Variants in PITPNM2 observed in about 807,000 individuals in gnomAD.
PITPNM2 encodes phosphatidylinositol transfer protein membrane associated 2, also known as membrane-associated phosphatidylinositol transfer protein 2.
A neutral mutation model predicts 132.2 loss-of-function variants in PITPNM2; 35 were observed. The observed-to-expected ratio is 0.26, with a 90% CI of 0.20 to 0.35. The LOEUF is 0.35. PITPNM2 is among the 10% of genes least tolerant of loss of function. The pLI is 1.00. For synonymous variants in PITPNM2, 738 were observed against 799.2 expected (o/e 0.92, Z 1.29); for missense variants, 1,332 against 1,912.0 (o/e 0.70, Z 5.66).
chr12:123,128,366 C>T (rs1435330369), intron 1 of PITPNM2, among the ~76,000 whole-genome samples: 2 of 132,638 alleles, frequency 1.5e-5, no homozygotes, highest in Non-Finnish European at 3.1e-5. Flanking sequence ...CACTTGAGCA[C>T]AGGAGGTGGA....
intron 2 of PITPNM2, among the ~76,000 whole-genome samples, chr12:123,074,493 TATAA>T (rs796616828): frequency 1.6e-4 from 24 of 151,572 alleles, no homozygotes; most frequent in African/African-American, 5.8e-4. Context: ...CACATGCACA[TATAA>T]ATACACACAT....
At chr12:123,020,146 A>T (rs995279750) in intron 3 of PITPNM2, among the ~76,000 whole-genome samples, 1 of 152,160 alleles carries the variant, frequency 6.6e-6, no homozygotes, top group Non-Finnish European at 1.5e-5. Context: ...GATGAGACAG[A>T]GTCTGGCTCT....
At chr12:122,988,491 A>G (rs1376754881) in intron 19 of PITPNM2, 141 bp from the exon 20 acceptor site, 1 of 801,256 alleles carries the variant, frequency 1.2e-6, no homozygotes, top group Admixed American at 2.1e-5. Context: ...CTGTCTGCCC[A>G]GTAGCCCTCA....
intron 1 of PITPNM2, among the ~76,000 whole-genome samples, chr12:123,120,147 T>A (rs1216332361): frequency 6.6e-6 from 1 of 152,144 alleles, no homozygotes; most frequent in South Asian, 2.1e-4. Context: ...AACCCGCAGA[T>A]TTAAGGTCAC....
intron 4 of PITPNM2, among the ~76,000 whole-genome samples, chr12:123,013,156 G>T (rs116495428): frequency 3.4e-4 from 52 of 152,340 alleles, no homozygotes; most frequent in African/African-American, 1.2e-3. Context: ...AGCTTAGAGG[G>T]GAAAGTACTA....
chr12:122,991,649 TC>T, intron 16 of PITPNM2: 1 of 1,165,096 alleles, frequency 8.6e-7, no homozygotes, highest in Non-Finnish European at 1.1e-6. Context: ...ACCACCCAGG[TC>T]CCACGAACTG....
At chr12:123,141,201 A>T (rs1229604958) in intron 1 of PITPNM2, among the ~76,000 whole-genome samples, 3 of 152,162 alleles carry the variant, frequency 2.0e-5, no homozygotes, top group Non-Finnish European at 2.9e-5. Flanking sequence ...CATCTGTGAG[A>T]CACAAAAAAT....
intron 2 of PITPNM2, chr12:123,088,993 G>A (rs1475811250): frequency 6.6e-6 from 1 of 152,162 alleles, no homozygotes; most frequent in Non-Finnish European, 1.5e-5. Context: ...AGTGAGCACT[G>A]CATAAATGTT....
chr12:123,051,287 T>C (rs1347812686), intron 2 of PITPNM2, among the ~76,000 whole-genome samples: 1 of 152,230 alleles, frequency 6.6e-6, no homozygotes, highest in Non-Finnish European at 1.5e-5. Context: ...AGCCCAGGAC[T>C]AGAGAGAAGT....
chr12:123,079,649 T>C (rs1032596905), intron 2 of PITPNM2, among the ~76,000 whole-genome samples: 4 of 152,184 alleles, frequency 2.6e-5, no homozygotes, highest in African/African-American at 9.7e-5. Context: ...GCCCGGCCTC[T>C]CTCTCACTGT....
chr12:123,032,370 C>T (rs1630820), intron 3 of PITPNM2, among the ~76,000 whole-genome samples: 2 of 152,096 alleles, frequency 1.3e-5, no homozygotes, highest in South Asian at 4.2e-4. Context: ...CCAGCTACTC[C>T]GGAGGCTGAG....
intron 2 of PITPNM2, chr12:123,088,238 T>A (rs558723482): frequency 2.0e-5 from 3 of 152,278 alleles, no homozygotes; most frequent in African/African-American, 4.8e-5. Context: ...CTTTCCCAGA[T>A]ATTACATGAC....
At position 123,077,198 on chromosome 12, in the gene PITPNM2, C is replaced by G. The variant is rs902034743; in HGVS notation, c.-96+33187G>C. On this transcript the variant is annotated intron_variant, in intron 2 of 25. Coordinates refer to ENST00000320201, the MANE Select transcript of PITPNM2 (RefSeq NM_020845.3). The surrounding 1 kb of genome is among the most constrained non-coding windows in gnomAD (Gnocchi z 4.8). ...TATCCAGACAGACACACTGGCAGGG[C>G]CGCTCTGCCTGAAGCCAGCCAGCAG... is the stretch of plus-strand genomic sequence containing the variant. Among the ~76,000 whole-genome samples the G allele has an allele frequency of 8.6e-4, 131 of 152,264 alleles. No homozygotes were observed. Among genetic ancestry groups the G allele is most frequent in the Non-Finnish European group, 1.6e-3 (112 of 68,018 alleles).
At chr12:123,048,032 G>A (rs1309250855) in intron 2 of PITPNM2, among the ~76,000 whole-genome samples, 1 of 151,514 alleles carries the variant, frequency 6.6e-6, no homozygotes, top group Admixed American at 6.6e-5. Context: ...CTGGGAGGTG[G>A]AGGTTGCAGT....
intron 2 of PITPNM2, among the ~76,000 whole-genome samples, chr12:123,061,734 C>T (rs570293273): frequency 1.3e-5 from 2 of 152,340 alleles, no homozygotes; most frequent in Admixed American, 6.5e-5. Context: ...AAAGCTCCTG[C>T]ATCCAAGGGA....
chr12:123,000,948 A>G lies in PITPNM2; in HGVS notation c.1154-100T>C, dbSNP rs2038638710. 3.2e-6 allele frequency: 5 copies of G among 1,540,308 alleles called. No homozygotes were observed. The East Asian group carries it at 1.1e-4, about 35-fold the overall frequency. On this transcript the variant is annotated intron_variant, in intron 9 of 25. Transcript: ENST00000320201. This position sits in a 1 kb window ranked among gnomAD's most constrained non-coding sequence, Gnocchi z 5.4. ...TGACGAGGGGAGCTTGGGGGTCCCC[A>G]ACTCACATGTATGCCCAGCACTGTG...
chr12:123,038,171 G>A (rs1002971672), intron 2 of PITPNM2, among the ~76,000 whole-genome samples: 2 of 152,240 alleles, frequency 1.3e-5, no homozygotes, highest in South Asian at 2.1e-4. Flanking sequence ...AAAAGCAACC[G>A]TGTTTCTGCC....
intron 1 of PITPNM2, among the ~76,000 whole-genome samples, chr12:123,120,010 C>A (rs1028921428): frequency 7.9e-5 from 12 of 152,124 alleles, no homozygotes; most frequent in Admixed American, 7.2e-4. Context: ...TACTTGACAA[C>A]CAGTGAGTCA....
At chr12:123,105,510 A>G (rs1327422241) in intron 2 of PITPNM2, 1 of 152,228 alleles carries the variant, frequency 6.6e-6, no homozygotes, top group East Asian at 1.9e-4. Context: ...CAGGAACAAA[A>G]GCGATTGTCC....
Sources: gnomAD v4.1 joint callset for allele counts (sites outside exome capture counted in the v4.1 genomes callset) on GRCh38, gnomAD v4.1.1 for gene constraint, Gnocchi (gnomAD v3.1) non-coding constraint, MANE v1.5 for transcripts, NCBI Gene and HGNC (gene_info 2026-07-23, HGNC 2026-07-21) for gene names.